Variants in KIAA0232 observed in about 807,000 individuals in gnomAD.
KIAA0232 encodes KIAA0232.
Under a neutral mutation model 122.0 loss-of-function variants are expected in KIAA0232, and 27 were observed. The observed-to-expected ratio is 0.22, with a 90% confidence interval of 0.16 to 0.31. The LOEUF (loss-of-function observed/expected upper bound fraction) is 0.31. KIAA0232 is among the 10% of genes least tolerant of loss of function. KIAA0232 has a pLI of 1.00. For missense variants in KIAA0232, 1,551 were observed against 1,634.2 expected (o/e 0.95, Z 0.88); for synonymous variants, 613 against 587.6 (o/e 1.04, Z -0.63).
At chr4:6,804,368 G>A (rs1218632467) in intron 1 of KIAA0232, among the ~76,000 whole-genome samples, 155 bp from the exon 2 acceptor site, 1 of 152,142 alleles carries the variant, frequency 6.6e-6, no homozygotes, top group African/African-American at 2.4e-5. Flanking sequence ...TCATTACCTA[G>A]TGGAAGCTCT....
chr4:6,873,309 C>T (rs933837772), intron 8 of KIAA0232, among the ~76,000 whole-genome samples: 5 of 152,248 alleles, frequency 3.3e-5, no homozygotes, highest in Admixed American at 6.5e-5. Context: ...TCTACAGCAG[C>T]TGCCTGCACT....
chr4:6,810,432 A>G (rs927935463), intron 2 of KIAA0232, among the ~76,000 whole-genome samples: 2 of 152,212 alleles, frequency 1.3e-5, no homozygotes, highest in Non-Finnish European at 2.9e-5. Flanking sequence ...TCAACTCAAG[A>G]TGGATTAAAG....
intron 2 of KIAA0232, among the ~76,000 whole-genome samples, chr4:6,823,447 G>A (rs1718516173): frequency 6.6e-6 from 1 of 152,142 alleles, no homozygotes; most frequent in African/African-American, 2.4e-5. Context: ...AAGAAGACAA[G>A]TTTCAATAGT....
At chr4:6,796,858 C>T (rs1717156161) in intron 1 of KIAA0232, among the ~76,000 whole-genome samples, 1 of 152,120 alleles carries the variant, frequency 6.6e-6, no homozygotes, top group Admixed American at 6.6e-5. Flanking sequence ...GGGAGGGCTT[C>T]GTTTCCATTC....
rs1722159547 is a variant in KIAA0232, at chr4:6,882,993, A to C, written c.*2027A>C. 6.6e-6 allele frequency: 1 copy of C among 152,410 alleles called. No individual in the cohort carries two copies. The highest frequency in any genetic ancestry group is 2.1e-4 in the South Asian group (1 of 4,838). The allele number at this position is 152,410 out of a possible 1,614,324, so 9.4% of individuals were successfully genotyped here. A position where few individuals can be genotyped will look rare whatever the true frequency, so the allele number is the denominator to read the frequency against. On this transcript the variant is annotated 3_prime_UTR_variant, in exon 10 of 10. Coordinates refer to ENST00000307659, the MANE Select transcript of KIAA0232 (RefSeq NM_014743.3). ...CACTTCCTCAGACACAGGTGAGAAG[A>C]TGCAGCACCTTCCACAGGTGAATGG...
intron 2 of KIAA0232, among the ~76,000 whole-genome samples, chr4:6,813,683 C>G (rs777307148): frequency 6.6e-6 from 1 of 152,026 alleles, no homozygotes; most frequent in Non-Finnish European, 1.5e-5. Context: ...TTTTTTCTCC[C>G]CCTTAATGGA....
chr4:6,815,882 G>T (rs1212596737), intron 2 of KIAA0232, among the ~76,000 whole-genome samples: 1 of 152,142 alleles, frequency 6.6e-6, no homozygotes. Context: ...AATATGCTTT[G>T]CTTTATTTTG....
chr4:6,878,202 C>T (rs1173959820), intron 9 of KIAA0232, among the ~76,000 whole-genome samples: 12 of 152,102 alleles, frequency 7.9e-5, no homozygotes, highest in Non-Finnish European at 1.2e-4. Context: ...TGGCGAAACC[C>T]CATCTCTACT....
chr4:6,851,866 A>G (rs2108769469), intron 4 of KIAA0232, among the ~76,000 whole-genome samples: 1 of 152,294 alleles, frequency 6.6e-6, no homozygotes, highest in East Asian at 1.9e-4. Flanking sequence ...CAGAAGTTAA[A>G]TAACTTGTCC....
intron 2 of KIAA0232, among the ~76,000 whole-genome samples, chr4:6,809,019 C>T (rs148966268): frequency 4.4e-4 from 67 of 152,274 alleles, no homozygotes; most frequent in African/African-American, 1.2e-3. Flanking sequence ...ACAGCCAGCA[C>T]TCTATAAGTG....
At chr4:6,826,818 A>G (rs1171937289) in intron 3 of KIAA0232, among the ~76,000 whole-genome samples, 2 of 152,204 alleles carry the variant, frequency 1.3e-5, no homozygotes, top group Non-Finnish European at 2.9e-5. Flanking sequence ...TACTAGCACA[A>G]AGTATGTGCT....
chr4:6,837,091 G>C (rs1719336859), intron 3 of KIAA0232, among the ~76,000 whole-genome samples: 1 of 152,182 alleles, frequency 6.6e-6, no homozygotes, highest in Non-Finnish European at 1.5e-5. Flanking sequence ...CGGCCGGGCA[G>C]AGGGGCCCCC....
intron 2 of KIAA0232, among the ~76,000 whole-genome samples, chr4:6,810,771 G>T (rs1389458518): frequency 6.6e-6 from 1 of 152,108 alleles, no homozygotes; most frequent in Admixed American, 6.6e-5. Context: ...GGTGGGCAAA[G>T]ACATGAATAG....
intron 1 of KIAA0232, among the ~76,000 whole-genome samples, chr4:6,783,619 AG>A (rs1716467058): frequency 6.8e-6 from 1 of 146,054 alleles, no homozygotes. Flanking sequence ...CGGGCGGGGG[AG>A]GAGGGCCGCA....
intron 4 of KIAA0232, among the ~76,000 whole-genome samples, chr4:6,843,050 A>T (rs1009467878): frequency 6.6e-6 from 1 of 152,184 alleles, no homozygotes; most frequent in African/African-American, 2.4e-5. Flanking sequence ...TTTTTAGAAA[A>T]TATTACAATA....
At chr4:6,827,539 C>T (rs1414434889) in intron 3 of KIAA0232, among the ~76,000 whole-genome samples, 1 of 152,226 alleles carries the variant, frequency 6.6e-6, no homozygotes, top group South Asian at 2.1e-4. Flanking sequence ...CTCACATCTT[C>T]GCTCACCCCT....
rs974230632 is a variant in KIAA0232 at position 6,789,983 on chromosome 4, T to C, written c.-354+7142T>C. On this transcript the variant is annotated intron_variant, in intron 1 of 9. Transcript: ENST00000307659. ...GATCAAGGCTGCAGTGAGCCATGAT[T>C]GCACCACTGGACTCCAGCCTGGGTG... Among the ~76,000 whole-genome samples the C allele has an allele frequency of 9.2e-5, 14 of 152,076 alleles. No homozygotes were observed. In the South Asian group the frequency reaches 1.5e-3, roughly 16 times the overall value.
In KIAA0232 at chr4:6,866,115, C is replaced by T. The variant is rs571454586; in HGVS notation, c.3801+1932C>T. ...GAAAAAACCCAATAATATTGTTAGC[C>T]TTTATCTGTTTGTTTATTGCCCCAT... On this transcript the variant is annotated intron_variant, in intron 7 of 9. Coordinates refer to ENST00000307659, the MANE Select transcript of KIAA0232 (RefSeq NM_014743.3). 145 of 430,912 alleles carry T rather than the reference C, an allele frequency of 3.4e-4. 3 individuals carry two copies. In the South Asian group the frequency reaches 8.9e-3, roughly 26 times the overall value. 26.7% of individuals were successfully genotyped at this position (430,912 alleles called of 1,614,324 possible).
chr4:6,793,164 T>A (rs1191143601), intron 1 of KIAA0232, among the ~76,000 whole-genome samples: 1 of 152,170 alleles, frequency 6.6e-6, no homozygotes, highest in African/African-American at 2.4e-5. Flanking sequence ...TGTTAACTAA[T>A]TAACTAATTA....
Sources: allele counts gnomAD v4.1 joint callset (sites outside exome capture counted in the v4.1 genomes callset), GRCh38; gene constraint gnomAD v4.1.1; transcripts MANE v1.5; gene names NCBI Gene and HGNC (gene_info 2026-07-23, HGNC 2026-07-21).